The following FAM222B variants were observed in gnomAD, a reference collection of about 807,000 sequenced individuals.
FAM222B encodes protein FAM222B.
FAM222B carries 12 observed loss-of-function variants against 38.0 expected under a neutral mutation model. The ratio of observed to expected loss-of-function variants is 0.32; its 90% CI spans 0.20 to 0.51. FAM222B has a LOEUF of 0.51. FAM222B is among the 20% of genes least tolerant of loss of function. The pLI, the probability that FAM222B is intolerant of heterozygous loss-of-function variation, is 0.97. For missense variants in FAM222B, 716 were observed against 754.2 expected, an observed-to-expected ratio of 0.95 and a Z score of 0.59; for synonymous variants, 329 against 317.2, an observed-to-expected ratio of 1.04 and a Z score of -0.40.
chr17:28,790,358 T>C (rs185568749), intron 1 of FAM222B: 3 of 152,316 alleles, frequency 2.0e-5, no homozygotes, highest in Non-Finnish European at 2.9e-5. Flanking sequence ...TCAGTAACGA[T>C]ACAAATCAAA....
intron 1 of FAM222B, among the ~76,000 whole-genome samples, chr17:28,788,061 T>A (rs2036499472): frequency 6.6e-6 from 1 of 152,206 alleles, no homozygotes; most frequent in African/African-American, 2.4e-5. Context: ...CAACCTCAGG[T>A]GATCCGCCCG....
intron 1 of FAM222B, among the ~76,000 whole-genome samples, chr17:28,792,672 T>C (rs994481364): frequency 3.3e-5 from 5 of 151,490 alleles, no homozygotes; most frequent in South Asian, 2.1e-4. Flanking sequence ...TCCCAGTTAC[T>C]TGGGGGGCCA....
chr17:28,763,322 T>C (rs1384344266), intron 2 of FAM222B, among the ~76,000 whole-genome samples: 2 of 152,168 alleles, frequency 1.3e-5, no homozygotes, highest in African/African-American at 4.8e-5. Context: ...AATGAAACAA[T>C]GATGGTCAAT....
intron 1 of FAM222B, among the ~76,000 whole-genome samples, chr17:28,810,540 T>C (rs1431320726): frequency 1.3e-5 from 2 of 151,986 alleles, no homozygotes; most frequent in East Asian, 1.9e-4. Context: ...TTTTATATAC[T>C]AGCTAACTGT....
intron 2 of FAM222B, among the ~76,000 whole-genome samples, chr17:28,762,433 C>T (rs1390091720): frequency 1.3e-5 from 2 of 151,028 alleles, no homozygotes; most frequent in Admixed American, 6.6e-5. Context: ...CAAGACCAGC[C>T]TGCCCAGCAT....
At chr17:28,807,091 C>G (rs1353791688) in intron 1 of FAM222B, among the ~76,000 whole-genome samples, 1 of 151,826 alleles carries the variant, frequency 6.6e-6, no homozygotes, top group Non-Finnish European at 1.5e-5. Flanking sequence ...TCTCGGCTCA[C>G]TGCAACCTCT....
At chr17:28,766,165 C>A (rs758213923) in intron 2 of FAM222B, among the ~76,000 whole-genome samples, 3 of 151,984 alleles carry the variant, frequency 2.0e-5, no homozygotes, top group Admixed American at 2.0e-4. Flanking sequence ...TTTAAGCAGA[C>A]CCCTAATGGC....
upstream of FAM222B, among the ~76,000 whole-genome samples, chr17:28,844,530 C>T (rs2039127986): frequency 1.3e-5 from 2 of 151,914 alleles, no homozygotes; most frequent in South Asian, 2.1e-4. Flanking sequence ...TGGTGGCGGG[C>T]GCCTGTAGTC....
intron 1 of FAM222B, among the ~76,000 whole-genome samples, chr17:28,774,085 A>G (rs1377301289): frequency 6.6e-6 from 1 of 152,036 alleles, no homozygotes; most frequent in East Asian, 1.9e-4. Flanking sequence ...TTTATTTAAA[A>G]GCTTCAAACT....
Position 28,758,155 on chromosome 17 carries a change from C to CAG in FAM222B, c.*114_*115insCT. The CAG allele has an allele frequency of 1.1e-6, 1 of 931,438 alleles. No individual in the cohort carries two copies. Among genetic ancestry groups the CAG allele is most frequent in the South Asian group, 1.8e-5 (1 of 55,828 alleles). The allele number at this position is 931,438 out of a possible 1,614,324, so 57.7% of individuals were successfully genotyped here. A position where few individuals can be genotyped will look rare whatever the true frequency, so the allele number is the denominator to read the frequency against. ...ATCCCACCAAATTCCCTTTCTTAGA[C>CAG]ATCTAAGAATGATCACACTGGAGCA... On this transcript the variant is annotated 3_prime_UTR_variant, in exon 3 of 3. Transcript: ENST00000581407.
chr17:28,854,209 C>T (rs2039207162), intron 1 of FAM222B, among the ~76,000 whole-genome samples: 1 of 152,188 alleles, frequency 6.6e-6, no homozygotes, highest in Non-Finnish European at 1.5e-5. Flanking sequence ...TCCCAAAGTG[C>T]TGGGATTACA....
At chr17:28,836,059 G>A (rs528590723) in intron 1 of FAM222B, among the ~76,000 whole-genome samples, 18 of 151,348 alleles carry the variant, frequency 1.2e-4, no homozygotes, top group Non-Finnish European at 1.6e-4. Flanking sequence ...GCATGATCTC[G>A]GCTCACTGAG....
intron 1 of FAM222B, among the ~76,000 whole-genome samples, chr17:28,804,502 C>T (rs1226210668): frequency 6.6e-6 from 1 of 151,858 alleles, no homozygotes; most frequent in Non-Finnish European, 1.5e-5. Flanking sequence ...GCCCAGCTAA[C>T]TTTTGTATTT....
At chr17:28,837,727 A>C (rs190590552) in intron 1 of FAM222B, among the ~76,000 whole-genome samples, 3 of 150,720 alleles carry the variant, frequency 2.0e-5, no homozygotes, top group African/African-American at 7.3e-5. Context: ...AGCTCGGCTC[A>C]TTACCACCTC....
chr17:28,838,261 C>A (rs527852687), intron 1 of FAM222B, among the ~76,000 whole-genome samples: 5 of 151,874 alleles, frequency 3.3e-5, no homozygotes, highest in Non-Finnish European at 7.4e-5. Context: ...CCAGTCTGGG[C>A]GACAGAGTGA....
chr17:28,771,006 A>AT (rs1004308654), intron 1 of FAM222B, among the ~76,000 whole-genome samples: 1 of 148,662 alleles, frequency 6.7e-6, no homozygotes, highest in East Asian at 1.9e-4. Context: ...ATATATATAT[A>AT]TTTTTTCTTT....
At chr17:28,782,458 G>T (rs891742523) in intron 1 of FAM222B, among the ~76,000 whole-genome samples, 2 of 152,132 alleles carry the variant, frequency 1.3e-5, no homozygotes, top group Non-Finnish European at 2.9e-5. Flanking sequence ...ATGGATTATG[G>T]AATCTAAATA....
intron 1 of FAM222B, among the ~76,000 whole-genome samples, chr17:28,799,481 T>C (rs1053396035): frequency 4.0e-5 from 6 of 150,566 alleles, no homozygotes; most frequent in African/African-American, 7.3e-5. Flanking sequence ...TTTGTTGTTG[T>C]TGTATTTTTA....
intron 1 of FAM222B, among the ~76,000 whole-genome samples, chr17:28,769,917 G>A (rs2035542032): frequency 6.6e-6 from 1 of 152,092 alleles, no homozygotes; most frequent in Non-Finnish European, 1.5e-5. Flanking sequence ...CTTCATTCAG[G>A]TTTCTGCTTA....
Sources: gnomAD v4.1 joint callset for allele counts (sites outside exome capture counted in the v4.1 genomes callset) on GRCh38, gnomAD v4.1.1 for gene constraint, MANE v1.5 for transcripts, NCBI Gene and HGNC (gene_info 2026-07-23, HGNC 2026-07-21) for gene names.